Variants in AKR1C1 observed in about 807,000 individuals in gnomAD.
AKR1C1 encodes the protein 20 alpha-hydroxysteroid dehydrogenase.
In AKR1C1, 32 loss-of-function variants were observed where a neutral mutation model predicts 40.6. The observed-to-expected ratio is 0.79, with a 90% CI of 0.60 to 1.06. AKR1C1 has a LOEUF of 1.06. AKR1C1 is among the 50% of genes least tolerant of loss of function. The probability of loss-of-function intolerance (pLI) is 0.00; values close to 1 mark genes in which losing one functional copy is unlikely to be tolerated. For missense variants in AKR1C1, 320 were observed against 363.5 expected, an observed-to-expected ratio of 0.88 and a Z score of 0.97; for synonymous variants, 105 against 134.2, an observed-to-expected ratio of 0.78 and a Z score of 1.50.
rs138777835 is a variant in AKR1C1 at position 4,976,814 on chromosome 10, T to A, written c.929+881T>A. Among the ~76,000 whole-genome samples the A allele has an allele frequency of 3.5e-3, 526 of 152,284 alleles. 7 individuals are homozygous for A. The highest frequency in any genetic ancestry group is 0.012 in the African/African-American group (506 of 41,562). On this transcript the variant is annotated intron_variant, in intron 8 of 8. Transcript: ENST00000380872. ...TGAAAAAAACAAGCACAATGGTACA[T>A]CATAAGTACCCAAAATTTGGTGGAT...
intron 7 of AKR1C1, among the ~76,000 whole-genome samples, chr10:4,974,096 G>T (rs1270030128): frequency 6.6e-6 from 1 of 151,400 alleles, no homozygotes; most frequent in Admixed American, 6.6e-5. Context: ...AACAATTGAT[G>T]AATCTAGGTA....
At position 4,969,878 on chromosome 10, in the gene AKR1C1, A is replaced by G. The variant is rs544762517; in HGVS notation, c.570+934A>G. The G allele has an allele frequency of 1.4e-4, 99 of 699,894 alleles. No homozygotes were observed. In the South Asian group the frequency reaches 1.9e-3, roughly 14 times the overall value. 43.4% of individuals were successfully genotyped at this position (699,894 alleles called of 1,614,324 possible). ...ATCTACAGTGGAAATACATATGTAT[A>G]AAATTAGTGAATTTGGTATAATGAT... On this transcript the variant is annotated intron_variant, in intron 5 of 8. Transcript: ENST00000380872.
intron 3 of AKR1C1, chr10:4,967,417 AAT>A (rs1743766108): frequency 9.9e-7 from 1 of 1,014,070 alleles, no homozygotes; most frequent in Non-Finnish European, 1.2e-6. Context: ...TAGGGTGCAC[AAT>A]GAGTTTCCAT....
At position 4,978,767 on chromosome 10, in the gene AKR1C1, A is replaced by C. The variant is rs1310609796; in HGVS notation, c.*1025A>C. The C allele has an allele frequency of 2.6e-5, 4 of 152,236 alleles. No homozygotes were observed. Among genetic ancestry groups the C allele is most frequent in the African/African-American group, 9.6e-5 (4 of 41,470 alleles). 9.4% of individuals were successfully genotyped at this position (152,236 alleles called of 1,614,324 possible). A position where few individuals can be genotyped will look rare whatever the true frequency, so the allele number is the denominator to read the frequency against. On this transcript the variant is annotated 3_prime_UTR_variant, in exon 9 of 9. Transcript: ENST00000380872. ...TGGGAAATAATACATCTAATAAATC[A>C]AATGTTCCAAGACTTCAAAGGTCTT...
intron 8 of AKR1C1, among the ~76,000 whole-genome samples, chr10:4,977,158 T>C (rs1189091326): frequency 3.3e-5 from 5 of 152,250 alleles, no homozygotes; most frequent in African/African-American, 1.2e-4. Context: ...TATAAAATGG[T>C]TTATACATTG....
In AKR1C1 at chr10:4,964,637, G is replaced by C. The variant is rs528113996; in HGVS notation, c.84+1109G>C. 1.4e-3 allele frequency among the ~76,000 whole-genome samples: 218 copies of C among 152,234 alleles called. 1 individual carries two copies. The highest frequency in any genetic ancestry group is 5.0e-3 in the African/African-American group (208 of 41,540). ...TACTTTCAAATCTGTATCCAAATTTGTTACGTAAGTCAATAATTGTAAATT... is the reference window on the plus strand; with the variant it reads ...TACTTTCAAATCTGTATCCAAATTTCTTACGTAAGTCAATAATTGTAAATT... On this transcript the variant is annotated intron_variant, in intron 1 of 8. Transcript: ENST00000380872.
At chr10:4,977,528 T>C (rs1836544513) in intron 8 of AKR1C1, among the ~76,000 whole-genome samples, 172 bp from the exon 9 acceptor site, 1 of 152,190 alleles carries the variant, frequency 6.6e-6, no homozygotes, top group Non-Finnish European at 1.5e-5. Context: ...ATTTTGAAAA[T>C]ACAGATATGA....
intron 7 of AKR1C1, among the ~76,000 whole-genome samples, chr10:4,974,834 T>G (rs1223975693): frequency 1.3e-5 from 2 of 152,076 alleles, no homozygotes; most frequent in Non-Finnish European, 2.9e-5. Flanking sequence ...GTACAAATAT[T>G]TTTCTAACTT....
At chr10:4,976,896 TAAAAAG>T (rs1332055435) in intron 8 of AKR1C1, among the ~76,000 whole-genome samples, 3 of 152,146 alleles carry the variant, frequency 2.0e-5, no homozygotes, top group Non-Finnish European at 2.9e-5. Flanking sequence ...ACGGAGATGA[TAAAAAG>T]AAAAGGAAAA....
chr10:4,972,950 A>G (rs1277561386), intron 7 of AKR1C1, among the ~76,000 whole-genome samples: 4 of 152,288 alleles, frequency 2.6e-5, no homozygotes, highest in Non-Finnish European at 5.9e-5. Flanking sequence ...GGATGGGATC[A>G]AAACTACAGA....
intron 5 of AKR1C1, among the ~76,000 whole-genome samples, chr10:4,970,972 A>C (rs12263850): frequency 0.32 from 48,917 of 151,194 alleles, 8,605 homozygotes; most frequent in African/African-American, 0.47. Flanking sequence ...AAAAAAAAAA[A>C]ACTTGGTTAA....
At chr10:4,964,954 G>A (rs1440718501) in intron 1 of AKR1C1, among the ~76,000 whole-genome samples, 32 of 152,206 alleles carry the variant, frequency 2.1e-4, no homozygotes, top group Admixed American at 2.0e-3. Context: ...AAGAATGGTG[G>A]CTGTAAGTAA....
Position 4,968,361 on chromosome 10 carries a change from C to G in AKR1C1, c.422C>G (p.Thr141Arg). The G allele has an allele frequency of 1.3e-6, 2 of 1,577,562 alleles. No individual in the cohort carries two copies. The highest frequency in any genetic ancestry group is 1.7e-6 in the Non-Finnish European group (2 of 1,155,910). The part of the protein sequence containing the change: ...KDENGKILFD[T>R]VDLCATWEAV... ...GAAAATGGAAAAATACTATTTGACA[C>G]AGTGGATCTCTGTGCCACATGGGAG... The change falls in exon 4 of 9, where the codon ACA (threonine) becomes AGA (arginine). Residue 141 changes from threonine to arginine, a missense_variant. Thr to Arg is a moderately conservative substitution (Grantham distance 71, BLOSUM62 -1). Transcript: ENST00000380872.
intron 2 of AKR1C1, among the ~76,000 whole-genome samples, chr10:4,966,551 T>A (rs1836337055): frequency 6.6e-6 from 1 of 152,222 alleles, no homozygotes; most frequent in Admixed American, 6.5e-5. Context: ...TCTGTTTGCT[T>A]CCTCAGTTTC....
At chr10:4,968,770 T>C in intron 4 of AKR1C1, 52 bp from the exon 5 acceptor site, 2 of 1,613,784 alleles carry the variant, frequency 1.2e-6, no homozygotes, top group Non-Finnish European at 1.7e-6. Flanking sequence ...CTTTCACAGT[T>C]CTGTGTCACA....
At chr10:4,967,101 T>G in intron 3 of AKR1C1, 58 bp downstream of exon 3, 1 of 1,528,220 alleles carries the variant, frequency 6.5e-7, no homozygotes, top group African/African-American at 1.4e-5. Flanking sequence ...AAATATTGTT[T>G]TTATGGATAT....
chr10:4,964,880 C>G (rs1489087340), intron 1 of AKR1C1, among the ~76,000 whole-genome samples: 1 of 152,178 alleles, frequency 6.6e-6, no homozygotes, highest in East Asian at 1.9e-4. Flanking sequence ...CATAGACAGG[C>G]CTGTTTCCCA....
At position 4,978,358 on chromosome 10, in the gene AKR1C1, T is replaced by C. The variant is rs1312179274; in HGVS notation, c.*616T>C. 6.6e-6 allele frequency: 1 copy of C among 150,642 alleles called. No homozygotes were observed. Among genetic ancestry groups the C allele is most frequent in the African/African-American group, 2.5e-5 (1 of 40,614 alleles). The allele number at this position is 150,642 out of a possible 1,614,324, so 9.3% of individuals were successfully genotyped here. On this transcript the variant is annotated 3_prime_UTR_variant, in exon 9 of 9. Coordinates refer to ENST00000380872, the MANE Select transcript of AKR1C1 (RefSeq NM_001353.6). ...GATTAGAAGTCAGGTATGGGAAGGCTAAATAGGACAGAGTCGAGTACATCT... is the reference window on the plus strand; with the variant it reads ...GATTAGAAGTCAGGTATGGGAAGGCCAAATAGGACAGAGTCGAGTACATCT...
chr10:4,977,298 C>T (rs1272707351), intron 8 of AKR1C1, among the ~76,000 whole-genome samples: 1 of 152,190 alleles, frequency 6.6e-6, no homozygotes, highest in African/African-American at 2.4e-5. Context: ...CCAGTATAAT[C>T]ATCACACTCA....
Sources: allele counts gnomAD v4.1 joint callset (sites outside exome capture counted in the v4.1 genomes callset), GRCh38; gene constraint gnomAD v4.1.1; transcripts MANE v1.5; gene names NCBI Gene and HGNC (gene_info 2026-07-23, HGNC 2026-07-21).